Variants in SLC16A1 observed in about 807,000 individuals in gnomAD.
The protein encoded by SLC16A1 is solute carrier family 16 member 1.
In SLC16A1, 11 loss-of-function variants were observed where a neutral mutation model predicts 32.2. The observed-to-expected ratio is 0.34, with a 90% CI of 0.21 to 0.56. The LOEUF is 0.56. SLC16A1 is among the 20% of genes least tolerant of loss of function. SLC16A1 has a pLI of 0.87. For missense variants in SLC16A1, 435 were observed against 615.0 expected (o/e 0.71, Z 3.10); for synonymous variants, 231 against 226.8 (o/e 1.02, Z -0.17).
Position 112,911,986 on chromosome 1 carries a change from TAC to T in SLC16A1, c.*1903_*1904del, listed in dbSNP as rs1308469059. On this transcript the variant is annotated 3_prime_UTR_variant, in exon 5 of 5. Transcript: ENST00000369626. ...TTACAGACTTGGGTCCAAAGAAAAT[TAC>T]AGAGTCCAAACTGAGGCCAAGCCTG... is the stretch of plus-strand genomic sequence containing the variant. The T allele has an allele frequency of 2.0e-5, 3 of 152,212 alleles. No homozygotes were observed. In the East Asian group the frequency reaches 5.8e-4, roughly 29 times the overall value. The allele number at this position is 152,212 out of a possible 1,614,324, so 9.4% of individuals were successfully genotyped here.
At position 112,928,967 on chromosome 1, in the gene SLC16A1, C is replaced by CT. The variant is rs1337071111; in HGVS notation, c.217+124dup. The CT allele has an allele frequency of 6.8e-6, 5 of 739,912 alleles. No homozygotes were observed. The East Asian group carries it at 1.3e-4, about 20-fold the overall frequency. 45.8% of individuals were successfully genotyped at this position (739,912 alleles called of 1,614,324 possible). A position where few individuals can be genotyped will look rare whatever the true frequency, so the allele number is the denominator to read the frequency against. ...GAAAAATGTGACTCTAAACACCAAA[C>CT]TTTAAGAAATAACATTTCAAAACAT... On this transcript the variant is annotated intron_variant, in intron 2 of 4. Coordinates refer to ENST00000369626, the MANE Select transcript of SLC16A1 (RefSeq NM_003051.4).
In SLC16A1 at chr1:112,944,094, A is replaced by C. The variant is rs566234000; in HGVS notation, c.-45+11941T>G. Among the ~76,000 whole-genome samples the C allele has an allele frequency of 1.1e-4, 16 of 152,338 alleles. 1 individual carries two copies. In the South Asian group the frequency reaches 3.3e-3, roughly 32 times the overall value. ...TGCTGGAGGTTGAGAAGGGGAGTTA[A>C]TATGCTCTTTCCATATAACTATGTT... On this transcript the variant is annotated intron_variant, in intron 1 of 4. Transcript: ENST00000369626.
chr1:112,946,246 C>T lies in SLC16A1; in HGVS notation c.-45+9789G>A, dbSNP rs748505228. The stretch of plus-strand genomic sequence containing the variant: ...CTGCATTTTGTGGCAAAAGTATCTT[C>T]AACTAACAACCATGGCCACAGCAAT... On this transcript the variant is annotated intron_variant, in intron 1 of 4. Transcript: ENST00000369626. 4.5e-4 allele frequency among the ~76,000 whole-genome samples: 69 copies of T among 152,016 alleles called. 1 individual carries two copies. The highest frequency in any genetic ancestry group is 8.7e-4 in the Non-Finnish European group (59 of 68,004).
chr1:112,948,510 AT>A (rs879626727), intron 1 of SLC16A1, among the ~76,000 whole-genome samples: 122 of 146,680 alleles, frequency 8.3e-4, no homozygotes, highest in Middle Eastern at 3.6e-3. Context: ...AAAATATACA[AT>A]TTTTTTTTTT....
chr1:112,928,073 A>C (rs1649001325), intron 2 of SLC16A1, among the ~76,000 whole-genome samples: 1 of 152,172 alleles, frequency 6.6e-6, no homozygotes, highest in Non-Finnish European at 1.5e-5. Flanking sequence ...TTAAGCACTT[A>C]GGTTCTTTAA....
intron 1 of SLC16A1, among the ~76,000 whole-genome samples, chr1:112,944,884 G>A (rs556915597): frequency 3.3e-5 from 5 of 152,026 alleles, no homozygotes; most frequent in Admixed American, 3.3e-4. Context: ...GTAGACATGG[G>A]GTTTCACCGT....
rs771246960 is a variant in SLC16A1, at chr1:112,913,649, A to G, written c.*242T>C. On this transcript the variant is annotated 3_prime_UTR_variant, in exon 5 of 5. Transcript: ENST00000369626. ...CTTTATGACACTATTAAAAGCTAAG[A>G]TTAAAACAAAACAAAACAGAACCTA... 1.8e-6 allele frequency: 1 copy of G among 558,294 alleles called. No individual in the cohort carries two copies. Among genetic ancestry groups the G allele is most frequent in the Non-Finnish European group, 3.2e-6 (1 of 311,980 alleles). The allele number at this position is 558,294 out of a possible 1,614,324, so 34.6% of individuals were successfully genotyped here.
At chr1:112,951,185 C>G (rs183406540) in intron 1 of SLC16A1, among the ~76,000 whole-genome samples, 1 of 151,994 alleles carries the variant, frequency 6.6e-6, no homozygotes, top group Non-Finnish European at 1.5e-5. Flanking sequence ...ATAACACTCC[C>G]TTCCTGCAAA....
intron 1 of SLC16A1, among the ~76,000 whole-genome samples, chr1:112,946,489 ATGCTTTCTAGATCTAC>A (rs550357551): frequency 2.0e-5 from 3 of 152,214 alleles, no homozygotes; most frequent in Non-Finnish European, 4.4e-5. Context: ...CAGTGATGTA[ATGCTTTCTAGATCTAC>A]TGCTCTCTAC....
chr1:112,918,285 C>T (rs756177576), intron 3 of SLC16A1, among the ~76,000 whole-genome samples: 32 of 152,070 alleles, frequency 2.1e-4, no homozygotes, highest in Non-Finnish European at 4.0e-4. Context: ...ATATGTAAAA[C>T]GGGCACAGGT....
rs1403143136 is a variant in SLC16A1 at position 112,916,750 on chromosome 1, C to T, written c.1228+428G>A. Among the ~76,000 whole-genome samples the T allele has an allele frequency of 4.6e-5, 7 of 151,702 alleles. No homozygotes were observed. The East Asian group carries it at 5.9e-4, about 13-fold the overall frequency. ...TTAGAGACCAGCCTGGCCAACATGG[C>T]GAAACCCTGTCTCTATTAAAGATAT... is the stretch of plus-strand genomic sequence containing the variant. On this transcript the variant is annotated intron_variant, in intron 4 of 4. Coordinates refer to ENST00000369626, the MANE Select transcript of SLC16A1 (RefSeq NM_003051.4).
chr1:112,923,280 C>T (rs1275092263), intron 2 of SLC16A1: 14 of 278,280 alleles, frequency 5.0e-5, no homozygotes, highest in Non-Finnish European at 9.4e-5. Context: ...TGCACTCCAG[C>T]CTGGGCAACA....
chr1:112,949,269 G>A (rs1476820992), intron 1 of SLC16A1, among the ~76,000 whole-genome samples: 1 of 152,130 alleles, frequency 6.6e-6, no homozygotes, highest in Non-Finnish European at 1.5e-5. Flanking sequence ...AGCTGGTCTC[G>A]AACTCTCAAC....
At chr1:112,938,905 T>C (rs1649402481) in intron 1 of SLC16A1, among the ~76,000 whole-genome samples, 1 of 152,128 alleles carries the variant, frequency 6.6e-6, no homozygotes, top group Non-Finnish European at 1.5e-5. Flanking sequence ...TTTTTTTCTT[T>C]TTTGAGATGG....
intron 1 of SLC16A1, among the ~76,000 whole-genome samples, chr1:112,946,948 T>C (rs938915435): frequency 6.6e-6 from 1 of 152,192 alleles, no homozygotes; most frequent in African/African-American, 2.4e-5. Flanking sequence ...TTTGCCTTCT[T>C]CTCACAGACT....
chr1:112,936,234 G>T (rs1649299252), intron 1 of SLC16A1, among the ~76,000 whole-genome samples: 1 of 151,994 alleles, frequency 6.6e-6, no homozygotes, highest in African/African-American at 2.4e-5. Flanking sequence ...GCAGCCGGGG[G>T]CAGTGGCTCA....
intron 1 of SLC16A1, among the ~76,000 whole-genome samples, chr1:112,940,545 C>G (rs1217720038): frequency 6.6e-6 from 1 of 151,850 alleles, no homozygotes; most frequent in Non-Finnish European, 1.5e-5. Flanking sequence ...TCAACTGAAT[C>G]AGAATCAGGT....
intron 2 of SLC16A1, among the ~76,000 whole-genome samples, chr1:112,928,152 G>A (rs975850031): frequency 6.6e-6 from 1 of 152,170 alleles, no homozygotes; most frequent in Non-Finnish European, 1.5e-5. Flanking sequence ...GGAAACATAA[G>A]TCTTCCTAAT....
chr1:112,925,163 A>C (rs1435293188), intron 2 of SLC16A1, among the ~76,000 whole-genome samples: 1 of 152,158 alleles, frequency 6.6e-6, no homozygotes, highest in Non-Finnish European at 1.5e-5. Flanking sequence ...GAAACAAGAA[A>C]ATATTTTATG....
Sources: gnomAD v4.1 joint callset for allele counts (sites outside exome capture counted in the v4.1 genomes callset) on GRCh38, gnomAD v4.1.1 for gene constraint, MANE v1.5 for transcripts, NCBI Gene and HGNC (gene_info 2026-07-23, HGNC 2026-07-21) for gene names.